Variants in EPB41L3 observed in about 807,000 individuals in gnomAD.
The protein encoded by EPB41L3 is erythrocyte membrane protein band 4.1 like 3.
In EPB41L3, 57 loss-of-function variants were observed where a neutral mutation model predicts 127.1. The ratio of observed to expected loss-of-function variants is 0.45; its 90% CI spans 0.36 to 0.56. The LOEUF (loss-of-function observed/expected upper bound fraction) is 0.56. EPB41L3 is among the 20% of genes least tolerant of loss of function. EPB41L3 has a pLI of 0.00. For missense variants in EPB41L3, 1,273 were observed against 1,372.2 expected (o/e 0.93, Z 1.14); for synonymous variants, 572 against 549.5 (o/e 1.04, Z -0.57).
At chr18:5,629,796 C>A (rs530962035), upstream of EPB41L3, among the ~76,000 whole-genome samples, 12 of 152,164 alleles carry the variant, frequency 7.9e-5, no homozygotes, top group Non-Finnish European at 1.2e-4. Context: ...GCTGCCGGGA[C>A]CGGGGAGCCA....
chr18:5,461,034 TC>T lies in EPB41L3; in HGVS notation c.382-15791del, dbSNP rs980339209. ...TTCTGGTGGTGGTGTTTTATTTTTT[TC>T]CCCCCTATCATGAGGAATTTGCAGT... On this transcript the variant is annotated intron_variant, in intron 3 of 22. Coordinates refer to ENST00000341928, the MANE Select transcript of EPB41L3 (RefSeq NM_012307.5). 5.9e-5 allele frequency among the ~76,000 whole-genome samples: 9 copies of T among 152,240 alleles called. 1 individual carries two copies. Among genetic ancestry groups the T allele is most frequent in the Admixed American group, 4.6e-4 (7 of 15,294 alleles).
chr18:5,507,060 A>G (rs2148615280), intron 1 of EPB41L3, among the ~76,000 whole-genome samples: 1 of 152,308 alleles, frequency 6.6e-6, no homozygotes, highest in African/African-American at 2.4e-5. Flanking sequence ...AAAATGAAAC[A>G]GGCAAACATG....
intron 3 of EPB41L3, among the ~76,000 whole-genome samples, chr18:5,600,683 A>T (rs1179419560): frequency 2.0e-5 from 3 of 152,202 alleles, no homozygotes; most frequent in Admixed American, 6.5e-5. Context: ...TCGTTTTAAA[A>T]ATATATCCTT....
At chr18:5,454,356 A>T (rs9964022) in intron 3 of EPB41L3, among the ~76,000 whole-genome samples, 6,060 of 152,116 alleles carry the variant, frequency 0.04, 391 homozygotes, top group African/African-American at 0.13. Context: ...CTAAGAAGAA[A>T]GACAAGGCAC....
intron 3 of EPB41L3, among the ~76,000 whole-genome samples, chr18:5,474,655 C>CA (rs966076456): frequency 3.9e-4 from 57 of 147,404 alleles, no homozygotes; most frequent in South Asian, 2.2e-3. Flanking sequence ...TTATTAAATG[C>CA]AAAAAAAAAA....
At position 5,530,702 on chromosome 18, in the gene EPB41L3, T is replaced by C. The variant is rs1032211709; in HGVS notation, c.-12+13211A>G. The stretch of plus-strand genomic sequence containing the variant: ...CCAGCTCTCCCCCTTCTCCACCGCA[T>C]GGCTCCTGGTCATCTTTAGGTCTCA... On this transcript the variant is annotated intron_variant, in intron 1 of 22. Coordinates refer to ENST00000341928, the MANE Select transcript of EPB41L3 (RefSeq NM_012307.5). Among the ~76,000 whole-genome samples, 4 of 152,280 alleles carry C rather than the reference T, an allele frequency of 2.6e-5. No individual in the cohort carries two copies. In the East Asian group the frequency reaches 7.7e-4, roughly 29 times the overall value.
intron 3 of EPB41L3, among the ~76,000 whole-genome samples, chr18:5,599,427 A>G (rs2094567736): frequency 6.6e-6 from 1 of 152,132 alleles, no homozygotes; most frequent in African/African-American, 2.4e-5. Context: ...GGCACCTCAG[A>G]CCAGTATTTA....
chr18:5,523,186 A>C (rs1199750111), intron 1 of EPB41L3, among the ~76,000 whole-genome samples: 1 of 152,244 alleles, frequency 6.6e-6, no homozygotes, highest in African/African-American at 2.4e-5. Context: ...CAGATTTCAC[A>C]GATTGGTAGG....
At chr18:5,546,541 C>A (rs1344307123), upstream of EPB41L3, among the ~76,000 whole-genome samples, 1 of 152,030 alleles carries the variant, frequency 6.6e-6, no homozygotes, top group African/African-American at 2.4e-5. Context: ...AAAACTACAA[C>A]AACAAACAAA....
At chr18:5,458,385 T>C (rs1439148130) in intron 3 of EPB41L3, among the ~76,000 whole-genome samples, 1 of 152,234 alleles carries the variant, frequency 6.6e-6, no homozygotes, top group Non-Finnish European at 1.5e-5. Flanking sequence ...TTGATACACA[T>C]TTTATCCTTC....
At chr18:5,460,200 T>C (rs2083748153) in intron 3 of EPB41L3, among the ~76,000 whole-genome samples, 1 of 152,220 alleles carries the variant, frequency 6.6e-6, no homozygotes, top group Admixed American at 6.5e-5. Flanking sequence ...AATCACTGGC[T>C]GCTTTTCTCT....
chr18:5,618,092 T>C (rs569637215), intron 1 of EPB41L3, among the ~76,000 whole-genome samples: 1 of 152,308 alleles, frequency 6.6e-6, no homozygotes, highest in South Asian at 2.1e-4. Context: ...TAATCTCTTC[T>C]CTCCGGGCAA....
intron 1 of EPB41L3, among the ~76,000 whole-genome samples, chr18:5,491,026 A>G (rs1205121615): frequency 6.6e-6 from 1 of 152,246 alleles, no homozygotes; most frequent in African/African-American, 2.4e-5. Flanking sequence ...TCTTTTGGTA[A>G]CTAAGCTTTC....
At chr18:5,414,075 C>T (rs1045634792) in intron 13 of EPB41L3, among the ~76,000 whole-genome samples, 3 of 152,102 alleles carry the variant, frequency 2.0e-5, no homozygotes, top group Admixed American at 1.3e-4. Flanking sequence ...ATCTTTTCTG[C>T]CTTATGTTAG....
intron 1 of EPB41L3, among the ~76,000 whole-genome samples, chr18:5,621,918 C>A (rs2094867384): frequency 6.6e-6 from 1 of 152,112 alleles, no homozygotes; most frequent in Non-Finnish European, 1.5e-5. Flanking sequence ...CTATGATAGT[C>A]ATTACTTTTT....
chr18:5,619,580 C>T (rs1255036275), intron 1 of EPB41L3, among the ~76,000 whole-genome samples: 1 of 152,150 alleles, frequency 6.6e-6, no homozygotes, highest in African/African-American at 2.4e-5. Flanking sequence ...CAGGAATGTG[C>T]CACTTGCGAT....
chr18:5,478,184 C>A (rs2087636403), intron 3 of EPB41L3, 57 bp downstream of exon 3: 1 of 1,502,382 alleles, frequency 6.7e-7, no homozygotes, highest in Non-Finnish European at 9.2e-7. Context: ...ATATTTTATA[C>A]CAACATTCCC....
intron 3 of EPB41L3, among the ~76,000 whole-genome samples, chr18:5,460,983 T>C (rs1025561090): frequency 1.3e-5 from 2 of 152,230 alleles, no homozygotes; most frequent in African/African-American, 4.8e-5. Context: ...AAAGTAAAAT[T>C]CACTTTTGAA....
intron 1 of EPB41L3, among the ~76,000 whole-genome samples, chr18:5,526,474 C>T (rs111574123): frequency 0.011 from 1,612 of 152,272 alleles, 31 homozygotes; most frequent in African/African-American, 0.037. Flanking sequence ...TTTCCACTGA[C>T]ATCAGGAAGA....
Sources: gnomAD v4.1 joint callset for allele counts (sites outside exome capture counted in the v4.1 genomes callset) on GRCh38, gnomAD v4.1.1 for gene constraint, MANE v1.5 for transcripts, NCBI Gene and HGNC (gene_info 2026-07-23, HGNC 2026-07-21) for gene names.